INSR: variants seen among roughly 807,000 people sequenced by gnomAD.
INSR encodes the protein insulin receptor, also known as IR.
INSR carries 67 observed loss-of-function variants against 142.6 expected under a neutral mutation model. The observed-to-expected ratio is 0.47, with a 90% CI of 0.39 to 0.58. The LOEUF (loss-of-function observed/expected upper bound fraction) is 0.58, where lower values mean the gene tolerates loss of function less well. INSR is among the 20% of genes least tolerant of loss of function. The probability of loss-of-function intolerance (pLI) is 0.00; values close to 1 mark genes in which losing one functional copy is unlikely to be tolerated. For synonymous variants in INSR, 756 were observed against 743.1 expected (o/e 1.02, Z -0.28); for missense variants, 1,248 against 1,833.2 (o/e 0.68, Z 5.83).
chr19:7,189,172 GGA>G (rs965955924), intron 2 of INSR, among the ~76,000 whole-genome samples: 2 of 100,140 alleles, frequency 2.0e-5, no homozygotes, highest in African/African-American at 5.7e-5. Context: ...ACTCTGGCAA[GGA>G]AACACACACA....
At position 7,119,614 on chromosome 19, in the gene INSR, G is replaced by A. The variant is rs1300984514; in HGVS notation, c.3660-31C>T. On this transcript the variant is annotated intron_variant, in intron 20 of 21. Transcript: ENST00000302850. This position sits in a 1 kb window ranked among gnomAD's most constrained non-coding sequence, Gnocchi z 5.2. The stretch of plus-strand genomic sequence containing the variant: ...GATGACAGTTGATAGTAGTAACAAA[G>A]AAGCCATTTAGACACACACACACAC... 6.2e-7 allele frequency: 1 copy of A among 1,612,808 alleles called. No homozygotes were observed. The highest frequency in any genetic ancestry group is 8.5e-7 in the Non-Finnish European group (1 of 1,179,812).
chr19:7,272,675 C>T (rs2058331521), intron 1 of INSR, among the ~76,000 whole-genome samples: 1 of 151,934 alleles, frequency 6.6e-6, no homozygotes, highest in Admixed American at 6.6e-5. Context: ...AACAAACAAA[C>T]AAACAAAAAC....
intron 1 of INSR, among the ~76,000 whole-genome samples, chr19:7,287,367 G>A (rs972667226): frequency 2.6e-5 from 4 of 151,688 alleles, no homozygotes; most frequent in Admixed American, 1.3e-4. Context: ...CACCATGTTG[G>A]TCAGGCTGGT....
At chr19:7,279,167 A>G (rs1322120563) in intron 1 of INSR, among the ~76,000 whole-genome samples, 2 of 151,742 alleles carry the variant, frequency 1.3e-5, no homozygotes, top group Non-Finnish European at 2.9e-5. Context: ...AATAAAATAA[A>G]TATCCCTCTA....
intron 2 of INSR, among the ~76,000 whole-genome samples, chr19:7,247,531 GTA>G (rs1211334224): frequency 7.9e-5 from 12 of 152,060 alleles, no homozygotes; most frequent in Non-Finnish European, 1.2e-4. Flanking sequence ...ACATTCAACG[GTA>G]TATTTTATAT....
At chr19:7,283,595 G>C (rs568477922) in intron 1 of INSR, among the ~76,000 whole-genome samples, 1 of 152,048 alleles carries the variant, frequency 6.6e-6, no homozygotes, top group Non-Finnish European at 1.5e-5. Flanking sequence ...ATGAGCCACC[G>C]TGCTCGGCTA....
intron 11 of INSR, among the ~76,000 whole-genome samples, chr19:7,150,000 TCTC>T (rs1488359557): frequency 6.7e-6 from 1 of 149,872 alleles, no homozygotes; most frequent in African/African-American, 2.5e-5. Flanking sequence ...GATCCCTGAC[TCTC>T]CTCCGTGGAA....
Position 7,125,656 on chromosome 19 carries a change from T to C in INSR, c.3014-129A>G, listed in dbSNP as rs1422209461. 2 of 1,239,734 alleles carry C rather than the reference T, an allele frequency of 1.6e-6. No homozygotes were observed. Among genetic ancestry groups the C allele is most frequent in the South Asian group, 2.5e-5 (2 of 80,386 alleles). The allele number at this position is 1,239,734 out of a possible 1,614,324, so 76.8% of individuals were successfully genotyped here. The stretch of plus-strand genomic sequence containing the variant: ...AATGAGTTCTGTGATCCAGGACCCA[T>C]GCCGGGCACTGGGCATATGGCCGAG... On this transcript the variant is annotated intron_variant, in intron 16 of 21. Coordinates refer to ENST00000302850, the MANE Select transcript of INSR (RefSeq NM_000208.4). This position sits in a 1 kb window ranked among gnomAD's most constrained non-coding sequence, Gnocchi z 4.9.
Position 7,141,760 on chromosome 19 carries a change from C to T in INSR, c.2599G>A (p.Val867Ile), listed in dbSNP as rs766938463. ...TTCGGCTCCTGCCACATCAAGTGGA[C>T]GACGTTGTTCTCAAAGATTTCATGC... ...VTHEIFENNV[V>I]HLMWQEPKEP... The change falls in exon 13 of 22, where the codon GTC (valine) becomes ATC (isoleucine). Residue 867 changes from valine to isoleucine, a missense_variant. Physicochemically the swap from Val to Ile is conservative, Grantham distance 29. Around this residue, in one of 3 missense-constraint regions of INSR, gnomAD observed 1,069 missense variants for 1,654.0 expected, o/e 0.65. Coordinates refer to ENST00000302850, the MANE Select transcript of INSR (RefSeq NM_000208.4). The T allele has an allele frequency of 1.8e-5, 29 of 1,614,066 alleles. No individual in the cohort carries two copies. In the East Asian group the frequency reaches 2.7e-4, roughly 15 times the overall value.
chr19:7,274,801 T>A (rs1266318337), intron 1 of INSR, among the ~76,000 whole-genome samples: 3 of 131,260 alleles, frequency 2.3e-5, no homozygotes, highest in African/African-American at 2.9e-5. Flanking sequence ...TGAGACTGTG[T>A]CTCAAAAAAA....
At chr19:7,249,853 G>A (rs1049930605) in intron 2 of INSR, among the ~76,000 whole-genome samples, 58 of 152,172 alleles carry the variant, frequency 3.8e-4, no homozygotes, top group Non-Finnish European at 4.3e-4. Flanking sequence ...TTAGCCGGGC[G>A]TGGTGGCAGG....
intron 2 of INSR, among the ~76,000 whole-genome samples, chr19:7,263,709 G>T (rs1977135142): frequency 6.6e-6 from 1 of 152,140 alleles, no homozygotes; most frequent in Non-Finnish European, 1.5e-5. Flanking sequence ...TAATAGCAAA[G>T]CAATTTTTAA....
intron 2 of INSR, among the ~76,000 whole-genome samples, chr19:7,189,034 C>T (rs1000761534): frequency 1.3e-5 from 2 of 152,088 alleles, no homozygotes; most frequent in Non-Finnish European, 2.9e-5. Context: ...CAGAGGGTAT[C>T]TATAATTATC....
intron 2 of INSR, among the ~76,000 whole-genome samples, chr19:7,247,806 G>A (rs1976580692): frequency 1.3e-5 from 2 of 152,208 alleles, no homozygotes; most frequent in Admixed American, 6.5e-5. Flanking sequence ...CTAAGGCAGA[G>A]GTACCCAATA....
chr19:7,256,931 C>CTTTTT lies in INSR; in HGVS notation c.652+10409_652+10413dup, dbSNP rs772500676. On this transcript the variant is annotated intron_variant, in intron 2 of 21. Coordinates refer to ENST00000302850, the MANE Select transcript of INSR (RefSeq NM_000208.4). Reference sequence around the variant, plus strand: ...ATTCACGTTACATGCTCTACCCTACCTTTTTTTTTTTTTTTTTTTTTCTTT... The same window carrying CTTTTT: ...ATTCACGTTACATGCTCTACCCTACCTTTTTTTTTTTTTTTTTTTTTTTTTTCTTT... Among the ~76,000 whole-genome samples the CTTTTT allele has an allele frequency of 3.2e-4, 35 of 109,480 alleles. 1 individual carries two copies. The highest frequency in any genetic ancestry group is 3.0e-4 in the Non-Finnish European group (17 of 56,518). The allele number at this position is 109,480 out of a possible 152,430, so 71.8% of individuals were successfully genotyped here.
At chr19:7,145,063 T>C (rs1568443374) in intron 11 of INSR, among the ~76,000 whole-genome samples, 1 of 152,204 alleles carries the variant, frequency 6.6e-6, no homozygotes, top group Non-Finnish European at 1.5e-5. Context: ...GACTTCATTT[T>C]TCCTTTATTG....
chr19:7,188,965 G>A (rs1051071990), intron 2 of INSR, among the ~76,000 whole-genome samples: 13 of 151,548 alleles, frequency 8.6e-5, no homozygotes, highest in Middle Eastern at 3.5e-3. Context: ...ACAGGATGAC[G>A]TCAGTAACAC....
At chr19:7,122,015 C>T (rs1002193783) in intron 19 of INSR, among the ~76,000 whole-genome samples, 31 of 152,138 alleles carry the variant, frequency 2.0e-4, no homozygotes, top group East Asian at 7.8e-4. Flanking sequence ...TGGTGGCGCA[C>T]GCCTGTAATC....
At chr19:7,141,554 G>T in intron 13 of INSR, 123 bp downstream of exon 13, 1 of 1,388,894 alleles carries the variant, frequency 7.2e-7, no homozygotes, top group Non-Finnish European at 1.0e-6. Context: ...AGTACTAATA[G>T]CACAGTACCT....
Sources: gnomAD v4.1 joint callset for allele counts (sites outside exome capture counted in the v4.1 genomes callset) on GRCh38, gnomAD v4.1.1 for gene constraint, gnomAD v4.1.1 regional missense constraint, Gnocchi (gnomAD v3.1) non-coding constraint, MANE v1.5 for transcripts, NCBI Gene and HGNC (gene_info 2026-07-23, HGNC 2026-07-21) for gene names.